The following ADAMTSL3 variants were observed in gnomAD, a reference collection of about 807,000 sequenced individuals.
ADAMTSL3 encodes the protein ADAMTS like 3.
In ADAMTSL3, 128 loss-of-function variants were observed where a neutral mutation model predicts 201.7. The observed-to-expected ratio is 0.63, with a 90% confidence interval of 0.55 to 0.73. The LOEUF (loss-of-function observed/expected upper bound fraction) is 0.73. Ranked by LOEUF, ADAMTSL3 falls within the 30% of genes least tolerant of loss-of-function variation. The probability of loss-of-function intolerance (pLI) is 0.00; values close to 1 mark genes in which losing one functional copy is unlikely to be tolerated. For missense variants in ADAMTSL3, 1,990 were observed against 2,119.6 expected (o/e 0.94, Z 1.20); for synonymous variants, 738 against 748.4 (o/e 0.99, Z 0.23).
chr15:83,667,245 A>G (rs1446384831), intron 2 of ADAMTSL3, among the ~76,000 whole-genome samples: 2 of 152,148 alleles, frequency 1.3e-5, no homozygotes, highest in Non-Finnish European at 2.9e-5. Flanking sequence ...GCTGATGCAT[A>G]CTTTTAAAGT....
At chr15:83,953,989 C>G (rs927477010) in intron 19 of ADAMTSL3, among the ~76,000 whole-genome samples, 1 of 152,100 alleles carries the variant, frequency 6.6e-6, no homozygotes, top group Non-Finnish European at 1.5e-5. Flanking sequence ...GGGAGTTTGA[C>G]TATTAAATTC....
intron 3 of ADAMTSL3, among the ~76,000 whole-genome samples, chr15:83,744,881 G>C (rs772383428): frequency 6.6e-6 from 1 of 152,072 alleles, no homozygotes; most frequent in Non-Finnish European, 1.5e-5. Flanking sequence ...TTATTATATC[G>C]ATGGGGACAG....
At chr15:83,925,146 T>C (rs562012917) in intron 17 of ADAMTSL3, among the ~76,000 whole-genome samples, 2 of 152,294 alleles carry the variant, frequency 1.3e-5, no homozygotes, top group East Asian at 3.9e-4. Flanking sequence ...TGGGGATTGA[T>C]ACGTTAGGTC....
intron 20 of ADAMTSL3, among the ~76,000 whole-genome samples, chr15:83,972,097 T>C (rs562704158): frequency 2.6e-5 from 4 of 152,162 alleles, no homozygotes; most frequent in African/African-American, 9.6e-5. Context: ...CTGAACAACA[T>C]TGTGAGGCAG....
At chr15:83,988,365 C>T (rs1329694488) in intron 21 of ADAMTSL3, among the ~76,000 whole-genome samples, 1 of 152,126 alleles carries the variant, frequency 6.6e-6, no homozygotes, top group African/African-American at 2.4e-5. Flanking sequence ...AATAGGTTTG[C>T]TAGGTTGTCT....
chr15:83,657,959 T>G (rs530855337), intron 2 of ADAMTSL3, among the ~76,000 whole-genome samples: 2 of 152,232 alleles, frequency 1.3e-5, no homozygotes, highest in South Asian at 2.1e-4. Context: ...GTGATTTTGG[T>G]GTTTGGGTGG....
intron 17 of ADAMTSL3, among the ~76,000 whole-genome samples, chr15:83,932,915 C>T (rs150083253): frequency 3.3e-5 from 5 of 152,196 alleles, no homozygotes; most frequent in Non-Finnish European, 5.9e-5. Flanking sequence ...AGAATATAAA[C>T]GTATTTATTT....
At chr15:83,731,079 C>A (rs1487670460) in intron 3 of ADAMTSL3, among the ~76,000 whole-genome samples, 1 of 151,906 alleles carries the variant, frequency 6.6e-6, no homozygotes, top group East Asian at 1.9e-4. Context: ...AATTAGTTGA[C>A]CATATATGTG....
chr15:84,001,625 T>C (rs1045868725), intron 23 of ADAMTSL3, among the ~76,000 whole-genome samples: 16 of 152,328 alleles, frequency 1.1e-4, no homozygotes, highest in African/African-American at 3.6e-4. Context: ...GAGAGAAGAC[T>C]GTCAAAGCGA....
intron 20 of ADAMTSL3, 69 bp from the exon 21 acceptor site, chr15:83,982,204 T>C: frequency 1.6e-6 from 2 of 1,244,132 alleles, no homozygotes; most frequent in East Asian, 4.8e-5. Context: ...GAAAGATTAC[T>C]GTCAAAAAGT....
chr15:83,954,926 G>T (rs1168204144), intron 19 of ADAMTSL3, among the ~76,000 whole-genome samples: 1 of 152,182 alleles, frequency 6.6e-6, no homozygotes, highest in African/African-American at 2.4e-5. Context: ...CACCAACACT[G>T]GAACTGCCCT....
chr15:83,777,754 G>A (rs1376328517), intron 4 of ADAMTSL3, among the ~76,000 whole-genome samples: 2 of 152,188 alleles, frequency 1.3e-5, no homozygotes, highest in African/African-American at 4.8e-5. Flanking sequence ...TCCAGCAAGT[G>A]TTCTGAACCA....
chr15:83,851,080 G>A (rs1376797678), intron 7 of ADAMTSL3, among the ~76,000 whole-genome samples: 2 of 152,176 alleles, frequency 1.3e-5, no homozygotes, highest in African/African-American at 4.8e-5. Flanking sequence ...GGTGGAGCAG[G>A]TGTCTGTGTT....
chr15:84,011,740 C>G (rs2068009906), intron 23 of ADAMTSL3, among the ~76,000 whole-genome samples: 1 of 152,088 alleles, frequency 6.6e-6, no homozygotes. Flanking sequence ...TAATAAAGTT[C>G]AGTAAGATGA....
In ADAMTSL3 at chr15:84,016,376, TCCTCAGA is replaced by T; in HGVS notation, c.4157-6_4157del. On this transcript the variant is annotated splice_acceptor_variant and splice_polypyrimidine_tract_variant and coding_sequence_variant and intron_variant, in exon 25 of 30. Transcript: ENST00000286744. LOFTEE classifies it high-confidence loss of function. ...CTGGTAAAAGTGCTACTTTTTTTTT[TCCTCAGA>T]ACGAAGATGGCCAGAGAGTAGAATC... is the stretch of plus-strand genomic sequence containing the variant. 1.9e-6 allele frequency: 3 copies of T among 1,610,116 alleles called. No individual in the cohort carries two copies. In the Admixed American group the frequency reaches 5.0e-5, roughly 27 times the overall value.
At chr15:83,961,252 A>G (rs1031051858) in intron 19 of ADAMTSL3, among the ~76,000 whole-genome samples, 1 of 152,228 alleles carries the variant, frequency 6.6e-6, no homozygotes, top group Non-Finnish European at 1.5e-5. Flanking sequence ...AGACTGGAAT[A>G]AGTCATATAA....
At chr15:83,871,288 T>G (rs1446283312) in intron 9 of ADAMTSL3, among the ~76,000 whole-genome samples, 1 of 152,194 alleles carries the variant, frequency 6.6e-6, no homozygotes, top group Non-Finnish European at 1.5e-5. Flanking sequence ...GCAGTGGCTA[T>G]TCACAGCTGC....
intron 2 of ADAMTSL3, among the ~76,000 whole-genome samples, chr15:83,683,140 T>G (rs2141430020): frequency 6.6e-6 from 1 of 152,312 alleles, no homozygotes; most frequent in Middle Eastern, 3.4e-3. Context: ...GTGGGGAGAA[T>G]GAAAGATGGT....
At chr15:83,781,529 G>T (rs2063168127) in intron 4 of ADAMTSL3, among the ~76,000 whole-genome samples, 1 of 152,092 alleles carries the variant, frequency 6.6e-6, no homozygotes, top group Admixed American at 6.6e-5. Flanking sequence ...ATACCATTAT[G>T]GACATTGGAA....
Sources: allele counts gnomAD v4.1 joint callset (sites outside exome capture counted in the v4.1 genomes callset), GRCh38; gene constraint gnomAD v4.1.1; transcripts MANE v1.5; gene names NCBI Gene and HGNC (gene_info 2026-07-23, HGNC 2026-07-21).